PHLPP2: variants seen among roughly 807,000 people sequenced by gnomAD.
PHLPP2 encodes PH domain leucine-rich repeat-containing protein phosphatase 2.
Under a neutral mutation model 124.9 loss-of-function variants are expected in PHLPP2, and 66 were observed. That is an observed-to-expected ratio of 0.53 (90% confidence interval 0.43 to 0.65). PHLPP2 has a LOEUF of 0.65. Ranked by LOEUF, PHLPP2 falls within the 30% of genes least tolerant of loss-of-function variation. The pLI is 0.00. For missense variants in PHLPP2, 1,685 were observed against 1,600.4 expected (o/e 1.05, Z -0.90); for synonymous variants, 681 against 624.7 (o/e 1.09, Z -1.34).
Position 71,669,334 on chromosome 16 carries a change from T to A in PHLPP2, c.1569A>T (p.Glu523Asp), listed in dbSNP as rs753038969. Residue 523 changes from glutamate to aspartate, a missense_variant, in exon 11 of 19, where the codon GAA (glutamate) becomes GAT (aspartate). Transcript: ENST00000568954. ...LLECVPDWAC[E>D]AKKIEVLDVS... is the part of the protein sequence containing the mutation. The stretch of plus-strand genomic sequence containing the variant: ...CATCTAATACTTCTATCTTCTTTGC[T>A]TCACAGGCCCAGTCAGGGACACACT... 6.2e-7 allele frequency: 1 copy of A among 1,612,672 alleles called. No homozygotes were observed. The highest frequency in any genetic ancestry group is 1.7e-5 in the Admixed American group (1 of 60,030).
chr16:71,722,659 T>A (rs750550792), intron 1 of PHLPP2, among the ~76,000 whole-genome samples: 8 of 152,196 alleles, frequency 5.3e-5, no homozygotes, highest in Non-Finnish European at 1.0e-4. Flanking sequence ...TTTTGCAATG[T>A]ATTTTTGAAA....
chr16:71,709,635 A>G (rs1256534863), intron 2 of PHLPP2, among the ~76,000 whole-genome samples: 1 of 152,168 alleles, frequency 6.6e-6, no homozygotes, highest in East Asian at 1.9e-4. Flanking sequence ...AAGACAAGCC[A>G]AATATTTTAA....
intron 11 of PHLPP2, among the ~76,000 whole-genome samples, 164 bp downstream of exon 11, chr16:71,669,111 T>C (rs1217666094): frequency 6.6e-6 from 1 of 152,244 alleles, no homozygotes; most frequent in Non-Finnish European, 1.5e-5. Context: ...AAGCCCATGC[T>C]TTAGCCTTTA....
In PHLPP2 at chr16:71,653,028, A is replaced by C; in HGVS notation, c.2586-7T>G. The C allele has an allele frequency of 6.3e-7, 1 of 1,594,684 alleles. No homozygotes were observed. The highest frequency in any genetic ancestry group is 1.1e-5 in the South Asian group (1 of 90,710). ...GCCAGCCATTCCTAATTTCCTGTTC[A>C]GAAAGAAAAGGAAAAGAAGACGTGG... On this transcript the variant is annotated splice_region_variant and splice_polypyrimidine_tract_variant and intron_variant, in intron 17 of 18. Coordinates refer to ENST00000568954, the MANE Select transcript of PHLPP2 (RefSeq NM_015020.3).
At chr16:71,674,447 T>C (rs368172154) in intron 9 of PHLPP2, among the ~76,000 whole-genome samples, 3 of 151,748 alleles carry the variant, frequency 2.0e-5, no homozygotes, top group African/African-American at 7.3e-5. Context: ...ATCCTGAATA[T>C]GGTTTTCATC....
At chr16:71,657,339 A>G (rs1037569218) in intron 15 of PHLPP2, among the ~76,000 whole-genome samples, 2 of 151,774 alleles carry the variant, frequency 1.3e-5, no homozygotes, top group Non-Finnish European at 2.9e-5. Context: ...TGGCCCCTCA[A>G]AGTGCTGGAA....
chr16:71,698,439 C>T lies in PHLPP2; in HGVS notation c.418+4159G>A. 5 of 729,650 alleles carry T rather than the reference C, an allele frequency of 6.9e-6. No homozygotes were observed. In the Admixed American group the frequency reaches 8.7e-5, roughly 13 times the overall value. 45.2% of individuals were successfully genotyped at this position (729,650 alleles called of 1,614,324 possible). On this transcript the variant is annotated intron_variant, in intron 3 of 18. Transcript: ENST00000568954. ...TGTTATGCAGCTTGGTGCAGATGGACATGGTAACTTGGCCAATGTGAACCT... is the reference window on the plus strand; with the variant it reads ...TGTTATGCAGCTTGGTGCAGATGGATATGGTAACTTGGCCAATGTGAACCT...
At chr16:71,676,707 C>T in intron 8 of PHLPP2, 58 bp from the exon 9 acceptor site, 1 of 1,294,548 alleles carries the variant, frequency 7.7e-7, no homozygotes, top group Non-Finnish European at 1.1e-6. Flanking sequence ...ATGTGCTTAC[C>T]AGAATAAAAA....
At chr16:71,671,858 G>C (rs555836946) in intron 10 of PHLPP2, among the ~76,000 whole-genome samples, 1 of 151,694 alleles carries the variant, frequency 6.6e-6, no homozygotes, top group Non-Finnish European at 1.5e-5. Flanking sequence ...AGCTTGCAGC[G>C]AGCCGAGATC....
intron 1 of PHLPP2, among the ~76,000 whole-genome samples, chr16:71,717,262 T>C (rs999644158): frequency 6.6e-6 from 1 of 152,232 alleles, no homozygotes; most frequent in African/African-American, 2.4e-5. Context: ...GGGTAATACA[T>C]TTCTAAAGAT....
intron 13 of PHLPP2, among the ~76,000 whole-genome samples, chr16:71,660,202 T>C (rs1476893195): frequency 6.6e-6 from 1 of 151,622 alleles, no homozygotes; most frequent in East Asian, 1.9e-4. Context: ...ACTACACTTT[T>C]CAAATTAAAA....
At chr16:71,674,243 A>C (rs1437377673) in intron 9 of PHLPP2, among the ~76,000 whole-genome samples, 1 of 151,998 alleles carries the variant, frequency 6.6e-6, no homozygotes, top group African/African-American at 2.4e-5. Flanking sequence ...ATGCCCAGCT[A>C]ATTTTTTGTA....
In PHLPP2 at chr16:71,647,405, T is replaced by C. The variant is rs907928430; in HGVS notation, c.*1485A>G. The C allele has an allele frequency of 1.3e-5, 2 of 152,632 alleles. No homozygotes were observed. Among genetic ancestry groups the C allele is most frequent in the Non-Finnish European group, 2.9e-5 (2 of 68,034 alleles). The allele number at this position is 152,632 out of a possible 1,614,324, so 9.5% of individuals were successfully genotyped here. A position where few individuals can be genotyped will look rare whatever the true frequency, so the allele number is the denominator to read the frequency against. On this transcript the variant is annotated 3_prime_UTR_variant, in exon 19 of 19. Coordinates refer to ENST00000568954, the MANE Select transcript of PHLPP2 (RefSeq NM_015020.3). ...GTATTCTGAAACCACATAAAGTGAA[T>C]ATGCAGTTTTCAGAAGAGTACACTG...
At chr16:71,680,593 C>A (rs1300215764) in intron 6 of PHLPP2, among the ~76,000 whole-genome samples, 1 of 152,182 alleles carries the variant, frequency 6.6e-6, no homozygotes, top group African/African-American at 2.4e-5. Flanking sequence ...GGTAATTCCA[C>A]TGGGGAGTAG....
chr16:71,712,508 T>C (rs564432641), intron 2 of PHLPP2, among the ~76,000 whole-genome samples: 10 of 152,342 alleles, frequency 6.6e-5, no homozygotes, highest in African/African-American at 2.4e-4. Context: ...GAATACACCA[T>C]ATACTTAAAT....
intron 15 of PHLPP2, among the ~76,000 whole-genome samples, chr16:71,657,579 A>G (rs2044752992): frequency 6.6e-6 from 1 of 150,478 alleles, no homozygotes; most frequent in Admixed American, 6.6e-5. Flanking sequence ...TATTTTTAGT[A>G]GAGACGGGGT....
At chr16:71,699,503 T>C (rs967600847) in intron 3 of PHLPP2, among the ~76,000 whole-genome samples, 3 of 152,108 alleles carry the variant, frequency 2.0e-5, no homozygotes, top group African/African-American at 7.2e-5. Context: ...GCCCTTCCCA[T>C]TCCCTTTCCA....
chr16:71,718,429 C>T (rs1176542364), intron 1 of PHLPP2, among the ~76,000 whole-genome samples: 1 of 149,486 alleles, frequency 6.7e-6, no homozygotes, highest in Admixed American at 6.7e-5. Context: ...AATACAAAAA[C>T]ATTAGCTGGG....
At position 71,667,275 on chromosome 16, in the gene PHLPP2, G is replaced by C. The variant is rs1164372128; in HGVS notation, c.1687C>G (p.Leu563Val). 6.2e-7 allele frequency: 1 copy of C among 1,613,578 alleles called. No individual in the cohort carries two copies. Among genetic ancestry groups the C allele is most frequent in the African/African-American group, 1.3e-5 (1 of 75,008 alleles). The change falls in exon 12 of 19, where the codon CTT becomes GTT. Residue 563 changes from leucine to valine, a missense_variant. Leu to Val is a conservative substitution (Grantham distance 32). Transcript: ENST00000568954. Reference sequence around the variant, plus strand: ...GGGATGTGCTCTACCAGTGTTGGAAGGTTTTGCACATGATTGTGTCCCAGC... The same window carrying C: ...GGGATGTGCTCTACCAGTGTTGGAACGTTTTGCACATGATTGTGTCCCAGC... ...LMLGHNHVQN[L>V]PTLVEHIPLE...
Sources: gnomAD v4.1 joint callset for allele counts (sites outside exome capture counted in the v4.1 genomes callset) on GRCh38, gnomAD v4.1.1 for gene constraint, MANE v1.5 for transcripts, NCBI Gene and HGNC (gene_info 2026-07-23, HGNC 2026-07-21) for gene names.